The following CHCHD4 variants were observed in gnomAD, a reference collection of about 807,000 sequenced individuals.
CHCHD4 encodes mitochondrial intermembrane space import and assembly protein 40.
Under a neutral mutation model 12.4 loss-of-function variants are expected in CHCHD4, and 7 were observed. That is an observed-to-expected ratio of 0.57 (90% CI 0.32 to 1.06). The LOEUF is 1.06. Among genes scored for constraint, CHCHD4 ranks in the 50% least tolerant of loss-of-function variants. The pLI is 0.04. For missense variants in CHCHD4, 143 were observed against 175.1 expected, an observed-to-expected ratio of 0.82 and a Z score of 1.03; for synonymous variants, 56 against 58.0, an observed-to-expected ratio of 0.97 and a Z score of 0.16.
chr3:14,117,402 T>C (rs542185016), intron 1 of CHCHD4, among the ~76,000 whole-genome samples: 1 of 152,180 alleles, frequency 6.6e-6, no homozygotes, highest in Non-Finnish European at 1.5e-5. Flanking sequence ...TTCACTGCCT[T>C]AGAGTGACCC....
At position 14,112,832 on chromosome 3, in the gene CHCHD4, C is replaced by CT; in HGVS notation, c.*54dup. 6.6e-7 allele frequency: 1 copy of CT among 1,522,170 alleles called. No homozygotes were observed. Among genetic ancestry groups the CT allele is most frequent in the Non-Finnish European group, 8.9e-7 (1 of 1,128,058 alleles). 94.3% of individuals were successfully genotyped at this position (1,522,170 alleles called of 1,614,324 possible). A position where few individuals can be genotyped will look rare whatever the true frequency, so the allele number is the denominator to read the frequency against. ...CTTTCTTGGAAGGTGATGACAAGGC[C>CT]TTTTGCAAAAGGTCCACTCCAAAAG... On this transcript the variant is annotated 3_prime_UTR_variant, in exon 3 of 3. Transcript: ENST00000396914.
chr3:14,124,614 G>A (rs759026682), intron 1 of CHCHD4, 41 bp downstream of exon 1: 3 of 1,479,892 alleles, frequency 2.0e-6, no homozygotes, highest in Middle Eastern at 1.9e-4. Context: ...TCTCCCGCAG[G>A]CCCTCGTAGG....
rs958481727 is a variant in CHCHD4, at chr3:14,124,822, T to G, written c.-146A>C. On this transcript the variant is annotated 5_prime_UTR_variant, in exon 1 of 3. Transcript: ENST00000396914. ...CTCCCAGGCCTGCCCGCCGCGCGCC[T>G]GCCTCGGCGCCCTCGCAACCGCGGC... 2.0e-6 allele frequency: 2 copies of G among 976,168 alleles called. No individual in the cohort carries two copies. Among genetic ancestry groups the G allele is most frequent in the African/African-American group, 1.7e-5 (1 of 60,360 alleles). 60.5% of individuals were successfully genotyped at this position (976,168 alleles called of 1,614,324 possible).
At chr3:14,123,311 T>C (rs1341299287) in intron 1 of CHCHD4, among the ~76,000 whole-genome samples, 2 of 152,114 alleles carry the variant, frequency 1.3e-5, no homozygotes, top group East Asian at 1.9e-4. Context: ...TCAAAAATTA[T>C]TTGCTAAATG....
Position 14,124,353 on chromosome 3 carries a change from T to TAGTTTA in CHCHD4, c.22+301_22+302insTAAACT. On this transcript the variant is annotated intron_variant, in intron 1 of 2. Transcript: ENST00000396914. ...CAGTTTCGAGCCACACGCAACGTGCTCGGCACTTCCCGTGCCCCAACCGGA... is the reference window on the plus strand; with the variant it reads ...CAGTTTCGAGCCACACGCAACGTGCTAGTTTACGGCACTTCCCGTGCCCCAACCGGA... Among the ~76,000 whole-genome samples, 2 of 152,176 alleles carry TAGTTTA rather than the reference T, an allele frequency of 1.3e-5. 1 individual carries two copies. Among genetic ancestry groups the TAGTTTA allele is most frequent in the East Asian group, 3.9e-4 (2 of 5,162 alleles).
intron 1 of CHCHD4, chr3:14,121,884 G>A (rs753561527): frequency 6.2e-7 from 1 of 1,614,112 alleles, no homozygotes; most frequent in Non-Finnish European, 8.5e-7. Flanking sequence ...GTGTTAAGAA[G>A]AATGCAAGTG....
In CHCHD4 at chr3:14,116,597, G is replaced by T. The variant is rs553924081; in HGVS notation, c.23-73C>A. 12 of 1,132,144 alleles carry T rather than the reference G, an allele frequency of 1.1e-5. No individual in the cohort carries two copies. The African/African-American group carries it at 1.2e-4, about 11-fold the overall frequency. 70.1% of individuals were successfully genotyped at this position (1,132,144 alleles called of 1,614,324 possible). On this transcript the variant is annotated intron_variant, in intron 1 of 2. Transcript: ENST00000396914. ...AATCAGCTTTAAACCCAAAGCAGCC[G>T]CCACACAAACCAAGTTTGAAGACTC...
intron 1 of CHCHD4, chr3:14,121,839 G>A (rs1449482527): frequency 1.2e-6 from 2 of 1,609,960 alleles, no homozygotes; most frequent in African/African-American, 2.7e-5. Context: ...AGAATCAAGT[G>A]TCTGTGAAGA....
At chr3:14,121,851 T>TA (rs1182393039) in intron 1 of CHCHD4, 1 of 1,613,050 alleles carries the variant, frequency 6.2e-7, no homozygotes, top group African/African-American at 1.3e-5. Flanking sequence ...CTGTGAAGAA[T>TA]ACACAAATGG....
intron 2 of CHCHD4, among the ~76,000 whole-genome samples, chr3:14,115,358 T>TCATTTGG (rs564313346): frequency 8.6e-5 from 13 of 151,060 alleles, no homozygotes; most frequent in Middle Eastern, 3.2e-3. Context: ...TTAATAACAC[T>TCATTTGG]GTGAGGCAAA....
At position 14,112,883 on chromosome 3, in the gene CHCHD4, T is replaced by C. The variant is rs1694835723; in HGVS notation, c.*4A>G. 4.4e-6 allele frequency: 7 copies of C among 1,606,276 alleles called. No individual in the cohort carries two copies. Among genetic ancestry groups the C allele is most frequent in the Non-Finnish European group, 6.0e-6 (7 of 1,175,554 alleles). The stretch of plus-strand genomic sequence containing the variant: ...GACTGGTGCCCAGTGCCTTGTGGCC[T>C]TCATTAACTTGATCCCTCCTCTTCT... On this transcript the variant is annotated 3_prime_UTR_variant, in exon 3 of 3. Transcript: ENST00000396914.
intron 2 of CHCHD4, 40 bp downstream of exon 2, chr3:14,116,386 T>G (rs1219106394): frequency 7.8e-7 from 1 of 1,287,184 alleles, no homozygotes; most frequent in Non-Finnish European, 1.1e-6. Context: ...TTCTCCCCAG[T>G]GCCCTGGTGT....
In CHCHD4 at chr3:14,116,488, T is replaced by A; in HGVS notation, c.59A>T (p.His20Leu). The change falls in exon 2 of 3, where the codon CAT becomes CTT. Residue 20 changes from histidine (H) to leucine (L), a missense_variant. Physicochemically the swap from His to Leu is moderately conservative, Grantham distance 99. Coordinates refer to ENST00000396914, the MANE Select transcript of CHCHD4 (RefSeq NM_001098502.2). ...CAATTCTGCACTGCTTGGAGTTTCATGATCTTCTTTGGTTACAAATATGAT... is the reference window on the plus strand; with the variant it reads ...CAATTCTGCACTGCTTGGAGTTTCAAGATCTTCTTTGGTTACAAATATGAT... Reference protein sequence around the residue: ...DRIIFVTKEDHETPSSAELVA... With the variant: ...DRIIFVTKEDLETPSSAELVA... 6 of 1,613,622 alleles carry A rather than the reference T, an allele frequency of 3.7e-6. No individual in the cohort carries two copies. The highest frequency in any genetic ancestry group is 5.1e-6 in the Non-Finnish European group (6 of 1,179,494).
At chr3:14,115,776 A>AGTGACTACTGTACAATAC (rs879643727) in intron 2 of CHCHD4, among the ~76,000 whole-genome samples, 7 of 152,226 alleles carry the variant, frequency 4.6e-5, no homozygotes, top group Non-Finnish European at 8.8e-5. Context: ...TGATTGGTGA[A>AGTGACTACTGTACAATAC]GTGACTACTG....
intron 1 of CHCHD4, among the ~76,000 whole-genome samples, chr3:14,118,408 G>C (rs187024512): frequency 5.2e-5 from 8 of 152,386 alleles, no homozygotes; most frequent in Admixed American, 2.0e-4. Flanking sequence ...TGCTTGGGCT[G>C]AAGTAATTAA....
chr3:14,116,548 G>A, intron 1 of CHCHD4, 24 bp from the exon 2 acceptor site: 5 of 1,537,178 alleles, frequency 3.3e-6, no homozygotes, highest in Non-Finnish European at 4.5e-6. Flanking sequence ...AACAGAGGAA[G>A]AAATATTTCA....
chr3:14,115,456 G>C (rs1319370877), intron 2 of CHCHD4, among the ~76,000 whole-genome samples: 2 of 152,180 alleles, frequency 1.3e-5, no homozygotes, highest in Admixed American at 6.5e-5. Context: ...GATAAGCAAG[G>C]TACTAGAATT....
intron 1 of CHCHD4, among the ~76,000 whole-genome samples, chr3:14,121,348 T>A (rs1252688344): frequency 6.6e-6 from 1 of 152,216 alleles, no homozygotes; most frequent in Non-Finnish European, 1.5e-5. Context: ...ACGCTACTCC[T>A]GCTCTGTCAC....
intron 1 of CHCHD4, chr3:14,121,884 GA>G (rs763842358): frequency 6.2e-7 from 1 of 1,614,112 alleles, no homozygotes; most frequent in East Asian, 2.2e-5. Flanking sequence ...GTGTTAAGAA[GA>G]ATGCAAGTGT....
Sources: gnomAD v4.1 joint callset for allele counts (sites outside exome capture counted in the v4.1 genomes callset) on GRCh38, gnomAD v4.1.1 for gene constraint, MANE v1.5 for transcripts, NCBI Gene and HGNC (gene_info 2026-07-23, HGNC 2026-07-21) for gene names.